The following PRDM16 variants were observed in gnomAD, a reference collection of about 807,000 sequenced individuals.
PRDM16 encodes histone-lysine N-methyltransferase PRDM16.
Under a neutral mutation model 110.6 loss-of-function variants are expected in PRDM16, and 23 were observed. The observed-to-expected ratio is 0.21, with a 90% CI of 0.15 to 0.29. The LOEUF is 0.29. Among genes scored for constraint, PRDM16 ranks in the 10% least tolerant of loss-of-function variants. PRDM16 has a pLI of 1.00. For missense variants in PRDM16, 1,615 were observed against 1,794.3 expected, an observed-to-expected ratio of 0.90 and a Z score of 1.81; for synonymous variants, 799 against 781.8, an observed-to-expected ratio of 1.02 and a Z score of -0.37.
At chr1:3,132,431 G>T (rs890971946) in intron 1 of PRDM16, among the ~76,000 whole-genome samples, 30 of 152,182 alleles carry the variant, frequency 2.0e-4, no homozygotes, top group Non-Finnish European at 3.8e-4. Flanking sequence ...GAACTTTCTA[G>T]AACCTTCTAG....
At chr1:3,127,626 T>C (rs1643236914) in intron 1 of PRDM16, among the ~76,000 whole-genome samples, 1 of 152,234 alleles carries the variant, frequency 6.6e-6, no homozygotes, top group African/African-American at 2.4e-5. Flanking sequence ...CTGATACAGA[T>C]GCTCAGGGCC....
intron 1 of PRDM16, among the ~76,000 whole-genome samples, chr1:3,167,137 A>G (rs990041551): frequency 6.6e-6 from 1 of 152,182 alleles, no homozygotes; most frequent in East Asian, 1.9e-4. Context: ...TACTACTACC[A>G]CCGGGGAGCC....
chr1:3,204,461 A>G (rs1218238281), intron 2 of PRDM16, among the ~76,000 whole-genome samples: 2 of 152,230 alleles, frequency 1.3e-5, no homozygotes, highest in African/African-American at 2.4e-5. Context: ...TTACCGTCCC[A>G]GAGACACACA....
At chr1:3,119,575 G>C (rs1423554899) in intron 1 of PRDM16, among the ~76,000 whole-genome samples, 1 of 152,206 alleles carries the variant, frequency 6.6e-6, no homozygotes, top group African/African-American at 2.4e-5. Flanking sequence ...GTGATGTTGT[G>C]TGTTTTCTCT....
intron 1 of PRDM16, among the ~76,000 whole-genome samples, chr1:3,170,696 G>C (rs572386534): frequency 6.6e-6 from 1 of 152,120 alleles, no homozygotes; most frequent in South Asian, 2.1e-4. Flanking sequence ...GGCGGGGCCC[G>C]GGGGAGCAGG....
intron 4 of PRDM16, among the ~76,000 whole-genome samples, chr1:3,395,887 G>A (rs1270624794): frequency 6.6e-6 from 1 of 152,194 alleles, no homozygotes; most frequent in Non-Finnish European, 1.5e-5. Context: ...TCTCAAGGGT[G>A]TCCTCCATCC....
intron 3 of PRDM16, among the ~76,000 whole-genome samples, chr1:3,253,867 C>A (rs1639993735): frequency 6.6e-6 from 1 of 152,112 alleles, no homozygotes. Flanking sequence ...CTCTCCAGCA[C>A]CTGTTGTTTC....
chr1:3,216,026 T>C (rs1639024362), intron 2 of PRDM16, among the ~76,000 whole-genome samples: 3 of 152,152 alleles, frequency 2.0e-5, no homozygotes, highest in African/African-American at 7.2e-5. Flanking sequence ...GCAATGATAA[T>C]TTAAATTATT....
chr1:3,340,453 C>T (rs919576487), intron 3 of PRDM16, among the ~76,000 whole-genome samples: 3 of 152,208 alleles, frequency 2.0e-5, no homozygotes, highest in African/African-American at 2.4e-5. Context: ...GGAGAGCCAG[C>T]GCCATGGATC....
intron 3 of PRDM16, among the ~76,000 whole-genome samples, chr1:3,278,128 C>T (rs1640632527): frequency 6.6e-6 from 1 of 152,202 alleles, no homozygotes; most frequent in Non-Finnish European, 1.5e-5. Flanking sequence ...ATTTCCCCAA[C>T]CCCACCCAGG....
intron 2 of PRDM16, among the ~76,000 whole-genome samples, chr1:3,224,189 G>T (rs900294546): frequency 4.2e-4 from 64 of 152,204 alleles, no homozygotes; most frequent in African/African-American, 1.5e-3. Flanking sequence ...GGGCCGTGAT[G>T]AATACCAAAT....
At chr1:3,386,490 G>A (rs1009189642) in intron 4 of PRDM16, among the ~76,000 whole-genome samples, 4 of 152,178 alleles carry the variant, frequency 2.6e-5, no homozygotes, top group Admixed American at 2.6e-4. Flanking sequence ...CAGTTGCTCC[G>A]CTGGACAAGC....
intron 3 of PRDM16, among the ~76,000 whole-genome samples, chr1:3,322,157 C>CTGTG (rs371089810): frequency 0.082 from 12,258 of 149,270 alleles, 1,579 homozygotes; most frequent in African/African-American, 0.28. Flanking sequence ...TGTGAGTGCA[C>CTGTG]TGTGTGTGTG....
chr1:3,260,959 C>G (rs564211735), intron 3 of PRDM16, among the ~76,000 whole-genome samples: 17 of 151,056 alleles, frequency 1.1e-4, no homozygotes, highest in Admixed American at 7.9e-4. Flanking sequence ...CATCAACCAG[C>G]GTGACCTGGG....
chr1:3,090,842 G>T (rs1312073558), intron 1 of PRDM16, among the ~76,000 whole-genome samples: 1 of 152,236 alleles, frequency 6.6e-6, no homozygotes, highest in Non-Finnish European at 1.5e-5. Flanking sequence ...CACTCCTGCA[G>T]GGTGGGGAGG....
intron 1 of PRDM16, among the ~76,000 whole-genome samples, chr1:3,144,400 C>T (rs375508161): frequency 6.6e-6 from 1 of 152,236 alleles, no homozygotes; most frequent in East Asian, 1.9e-4. Context: ...CAGTCCCTGA[C>T]TCACAGATCC....
At chr1:3,317,143 C>T (rs1159364208) in intron 3 of PRDM16, among the ~76,000 whole-genome samples, 1 of 152,184 alleles carries the variant, frequency 6.6e-6, no homozygotes, top group African/African-American at 2.4e-5. Context: ...TCCACAGACG[C>T]GCCCATCATC....
In PRDM16 at chr1:3,246,521, C is replaced by G. The variant is rs1390428136; in HGVS notation, c.438+2384C>G. Among the ~76,000 whole-genome samples the G allele has an allele frequency of 1.3e-5, 2 of 152,204 alleles. No homozygotes were observed. The highest frequency in any genetic ancestry group is 4.8e-5 in the African/African-American group (2 of 41,454). Reference sequence around the variant, plus strand: ...TCCTGTCCAAGCAGGCCTCCTGACCCCAGCCCAGGGCTCCTCCCTGCCGCT... The same window carrying G: ...TCCTGTCCAAGCAGGCCTCCTGACCGCAGCCCAGGGCTCCTCCCTGCCGCT... On this transcript the variant is annotated intron_variant, in intron 3 of 16. Coordinates refer to ENST00000270722, the MANE Select transcript of PRDM16 (RefSeq NM_022114.4). This position sits in a 1 kb window ranked among gnomAD's most constrained non-coding sequence, Gnocchi z 5.2.
At chr1:3,169,672 C>A (rs1256607408) in intron 1 of PRDM16, among the ~76,000 whole-genome samples, 9 of 152,266 alleles carry the variant, frequency 5.9e-5, no homozygotes, top group African/African-American at 9.6e-5. Flanking sequence ...GCCCGCCCCC[C>A]ACGGGCCCCC....
Sources: allele counts gnomAD v4.1 joint callset (sites outside exome capture counted in the v4.1 genomes callset), GRCh38; gene constraint gnomAD v4.1.1; non-coding constraint Gnocchi (gnomAD v3.1); transcripts MANE v1.5; gene names NCBI Gene and HGNC (gene_info 2026-07-23, HGNC 2026-07-21).